Variants in BUB1B observed in about 807,000 individuals in gnomAD.
The protein encoded by BUB1B is BUB1 mitotic checkpoint serine/threonine kinase B, also known as mitotic checkpoint serine/threonine-protein kinase BUB1 beta.
A neutral mutation model predicts 137.7 loss-of-function variants in BUB1B; 86 were observed. The observed-to-expected ratio is 0.62, with a 90% CI of 0.52 to 0.75. BUB1B has a LOEUF of 0.75. Among genes scored for constraint, BUB1B ranks in the 30% least tolerant of loss-of-function variants. BUB1B has a pLI of 0.00. For synonymous variants in BUB1B, 420 were observed against 417.9 expected (o/e 1.00, Z -0.06); for missense variants, 1,130 against 1,236.9 (o/e 0.91, Z 1.30).
intron 5 of BUB1B, among the ~76,000 whole-genome samples, chr15:40,183,035 C>A (rs2037313051): frequency 1.3e-5 from 2 of 152,116 alleles, no homozygotes; most frequent in African/African-American, 4.8e-5. Flanking sequence ...CATACTCCAT[C>A]TTGGCCAACA....
chr15:40,182,968 A>G (rs1316861269), intron 5 of BUB1B, among the ~76,000 whole-genome samples: 1 of 152,026 alleles, frequency 6.6e-6, no homozygotes, highest in African/African-American at 2.4e-5. Context: ...CTTTTTTTGT[A>G]TATGGTCTAT....
Position 40,206,302 on chromosome 15 carries a change from T to C in BUB1B, c.1853T>C (p.Val618Ala), listed in dbSNP as rs1801528. Reference sequence around the variant, plus strand: ...GACTTTGCCAGAGCAGCTCGTTTTGTATCCACTCCTTTTCATGAGATAATG... The same window carrying C: ...GACTTTGCCAGAGCAGCTCGTTTTGCATCCACTCCTTTTCATGAGATAATG... ...TCDFARAARF[V>A]STPFHEIMSL... The change falls in exon 15 of 23, where the codon GTA (valine) becomes GCA (alanine). Residue 618 changes from valine to alanine, a missense_variant. Val to Ala is a moderately conservative substitution (Grantham distance 64). Transcript: ENST00000287598. The C allele has an allele frequency of 0.015, 24,512 of 1,614,076 alleles. 2,953 individuals carry two copies. The African/African-American group carries it at 0.28, about 18-fold the overall frequency.
intron 8 of BUB1B, among the ~76,000 whole-genome samples, chr15:40,192,045 G>T (rs890284839): frequency 6.6e-6 from 1 of 152,130 alleles, no homozygotes; most frequent in African/African-American, 2.4e-5. Flanking sequence ...CTGGAATTTT[G>T]ATAGTGATTC....
At chr15:40,181,371 G>A (rs1049002818) in intron 5 of BUB1B, among the ~76,000 whole-genome samples, 5 of 152,178 alleles carry the variant, frequency 3.3e-5, no homozygotes, top group East Asian at 1.9e-4. Flanking sequence ...GATTACAGGC[G>A]TGAACCACCA....
chr15:40,217,599 A>C lies in BUB1B; in HGVS notation c.2782A>C (p.Ser928Arg). 3 of 1,614,174 alleles carry C rather than the reference A, an allele frequency of 1.9e-6. No individual in the cohort carries two copies. Among genetic ancestry groups the C allele is most frequent in the Non-Finnish European group, 2.5e-6 (3 of 1,180,026 alleles). ...LRVQLDVFTL[S>R]GFRTVQILEG... is the part of the protein sequence containing the mutation. ...GGTGCAGCTGGATGTTTTTACCCTC[A>C]GCGGCTTTCGGACTGTACAGATCCT... Residue 928 changes from serine (S) to arginine (R), a missense_variant, in exon 21 of 23, where the codon AGC becomes CGC. Transcript: ENST00000287598.
chr15:40,185,281 C>T lies in BUB1B; in HGVS notation c.868C>T (p.Pro290Ser), dbSNP rs1411048840. ...GGCTTCTACAGCAGAGTTGTCTAAG[C>T]CTACAGTCCAGCCATGGATAGCACC... Reference protein sequence around the residue: ...DEASTAELSKPTVQPWIAPPM... With the variant: ...DEASTAELSKSTVQPWIAPPM... The change falls in exon 7 of 23, where the codon CCT (proline) becomes TCT (serine). Residue 290 changes from proline to serine, a missense_variant. By Grantham distance (74) the Pro-to-Ser change is moderately conservative. Coordinates refer to ENST00000287598, the MANE Select transcript of BUB1B (RefSeq NM_001211.6). The T allele has an allele frequency of 1.9e-6, 3 of 1,613,990 alleles. No individual in the cohort carries two copies. The Admixed American group carries it at 5.0e-5, about 27-fold the overall frequency.
intron 8 of BUB1B, among the ~76,000 whole-genome samples, chr15:40,188,794 G>A (rs551367689): frequency 6.6e-6 from 1 of 152,016 alleles, no homozygotes; most frequent in Admixed American, 6.5e-5. Context: ...TATTGGCCAG[G>A]CTGGTCTCGA....
intron 2 of BUB1B, among the ~76,000 whole-genome samples, chr15:40,167,083 A>AG (rs1044297410): frequency 7.3e-5 from 11 of 151,662 alleles, no homozygotes; most frequent in Admixed American, 3.3e-4. Flanking sequence ...GCTCCTCAGT[A>AG]GGGGTTCTTT....
At chr15:40,178,809 A>G (rs890322564) in intron 5 of BUB1B, among the ~76,000 whole-genome samples, 35 of 152,024 alleles carry the variant, frequency 2.3e-4, no homozygotes, top group African/African-American at 8.2e-4. Context: ...CTCCTTATTC[A>G]GAAGTCTACC....
At chr15:40,216,569 ATAT>A (rs1262517615) in intron 20 of BUB1B, among the ~76,000 whole-genome samples, 1,620 of 56,208 alleles carry the variant, frequency 0.029, 11 homozygotes, top group African/African-American at 0.063. Context: ...ATATATATAT[ATAT>A]TTTTTTTTTT....
chr15:40,169,912 C>G, intron 2 of BUB1B, 150 bp from the exon 3 acceptor site: 2 of 748,484 alleles, frequency 2.7e-6, no homozygotes, highest in South Asian at 3.1e-5. Flanking sequence ...CATGCCTGGC[C>G]TTTTTCTATT....
intron 10 of BUB1B, chr15:40,200,001 C>A (rs2037545073): frequency 5.1e-6 from 3 of 589,126 alleles, no homozygotes; most frequent in Non-Finnish European, 9.0e-6. Context: ...TTTATTCTAG[C>A]TATGTTCCAT....
intron 10 of BUB1B, 75 bp downstream of exon 10, chr15:40,199,802 T>A: frequency 8.5e-7 from 1 of 1,172,100 alleles, no homozygotes; most frequent in Non-Finnish European, 1.2e-6. Context: ...TATAGAAGGT[T>A]AAAGTCCTCC....
At chr15:40,217,112 T>C (rs571817123) in intron 20 of BUB1B, among the ~76,000 whole-genome samples, 2 of 152,330 alleles carry the variant, frequency 1.3e-5, no homozygotes, top group South Asian at 2.1e-4. Flanking sequence ...ATGACACCTA[T>C]AAAATTTTAA....
rs889926604 is a variant in BUB1B at position 40,165,154 on chromosome 15, C to G, written c.137C>G (p.Ala46Gly). ...RIMSTLQGAL[A>G]QESACNNTLQ... ...ATGTCCACGCTTCAGGGAGCACTGG[C>G]ACAAGAATCTGCCTGTAACAATACT... Residue 46 changes from alanine (A) to glycine (G), a missense_variant, in exon 2 of 23, where the codon GCA becomes GGA. Physicochemically the swap from Ala to Gly is moderately conservative, Grantham distance 60. Coordinates refer to ENST00000287598, the MANE Select transcript of BUB1B (RefSeq NM_001211.6). 1.5e-5 allele frequency: 25 copies of G among 1,614,086 alleles called. No individual in the cohort carries two copies. Among genetic ancestry groups the G allele is most frequent in the Non-Finnish European group, 1.9e-5 (23 of 1,180,054 alleles).
intron 1 of BUB1B, among the ~76,000 whole-genome samples, chr15:40,163,458 A>G (rs899630420): frequency 6.6e-6 from 1 of 152,192 alleles, no homozygotes; most frequent in African/African-American, 2.4e-5. Context: ...AATGCATGAC[A>G]ATAAACAATG....
chr15:40,189,912 G>C (rs568007146), intron 8 of BUB1B, among the ~76,000 whole-genome samples: 5 of 152,352 alleles, frequency 3.3e-5, no homozygotes, highest in African/African-American at 1.2e-4. Flanking sequence ...ACAGAGATGT[G>C]AAGTGGTATT....
At chr15:40,180,642 CTTTTTTTTTTTTT>C (rs71132149) in intron 5 of BUB1B, among the ~76,000 whole-genome samples, 78 of 65,860 alleles carry the variant, frequency 1.2e-3, no homozygotes, top group African/African-American at 4.5e-3. Flanking sequence ...TTTTCTTTTT[CTTTTTTTTTTTTT>C]TTTTTTTTTT....
At chr15:40,177,557 A>G (rs984542428) in intron 5 of BUB1B, among the ~76,000 whole-genome samples, 1 of 151,602 alleles carries the variant, frequency 6.6e-6, no homozygotes, top group Non-Finnish European at 1.5e-5. Flanking sequence ...GTTTATTTCT[A>G]TTATTCTATT....
Sources: gnomAD v4.1 joint callset for allele counts (sites outside exome capture counted in the v4.1 genomes callset) on GRCh38, gnomAD v4.1.1 for gene constraint, MANE v1.5 for transcripts, NCBI Gene and HGNC (gene_info 2026-07-23, HGNC 2026-07-21) for gene names.